The following ERCC6L2 variants were observed in gnomAD, a reference collection of about 807,000 sequenced individuals.
ERCC6L2 encodes DNA excision repair protein ERCC-6-like 2.
Under a neutral mutation model 132.0 loss-of-function variants are expected in ERCC6L2, and 77 were observed. The ratio of observed to expected loss-of-function variants is 0.58; its 90% CI spans 0.49 to 0.71. ERCC6L2 has a LOEUF of 0.71. Ranked by LOEUF, ERCC6L2 falls within the 30% of genes least tolerant of loss-of-function variation. The pLI, the probability that ERCC6L2 is intolerant of heterozygous loss-of-function variation, is 0.00. For missense variants in ERCC6L2, 1,542 were observed against 1,837.6 expected (o/e 0.84, Z 2.94); for synonymous variants, 583 against 632.4 (o/e 0.92, Z 1.17).
intron 11 of ERCC6L2, among the ~76,000 whole-genome samples, chr9:95,934,607 C>T (rs1830478677): frequency 6.6e-6 from 1 of 152,004 alleles, no homozygotes; most frequent in Admixed American, 6.6e-5. Context: ...GAATACTAGG[C>T]ACAACTTCAT....
At chr9:96,020,421 A>C, downstream of ERCC6L2, 1 of 284,660 alleles carries the variant, frequency 3.5e-6, no homozygotes, top group East Asian at 1.0e-4. Flanking sequence ...ATCATAGGGC[A>C]GGTCATCCCA....
intron 2 of ERCC6L2, among the ~76,000 whole-genome samples, chr9:95,890,930 G>C (rs1012234179): frequency 6.6e-6 from 1 of 152,174 alleles, no homozygotes; most frequent in East Asian, 1.9e-4. Flanking sequence ...AAAGTGCTGG[G>C]ATTAAAAATA....
intron 12 of ERCC6L2, among the ~76,000 whole-genome samples, chr9:95,951,386 C>A (rs1831326126): frequency 6.6e-6 from 1 of 152,072 alleles, no homozygotes; most frequent in African/African-American, 2.4e-5. Context: ...AATTAACTTT[C>A]CACCTTAAGG....
chr9:95,964,326 C>T (rs547550417), intron 13 of ERCC6L2, among the ~76,000 whole-genome samples: 1 of 152,246 alleles, frequency 6.6e-6, no homozygotes, highest in South Asian at 2.1e-4. Context: ...ATTAGGGTGG[C>T]TTCTGTGTCA....
intron 17 of ERCC6L2, among the ~76,000 whole-genome samples, chr9:95,978,417 T>C (rs755529988): frequency 6.6e-6 from 1 of 152,174 alleles, no homozygotes; most frequent in Non-Finnish European, 1.5e-5. Context: ...TATACCCAAA[T>C]ACCTAATCAT....
chr9:96,022,967 G>A (rs1834316004), downstream of ERCC6L2, among the ~76,000 whole-genome samples: 2 of 152,172 alleles, frequency 1.3e-5, no homozygotes, highest in African/African-American at 4.8e-5. Flanking sequence ...CCTGCCAACA[G>A]CAGCCACTTC....
At chr9:95,958,185 C>G (rs569746431) in intron 13 of ERCC6L2, among the ~76,000 whole-genome samples, 7 of 151,978 alleles carry the variant, frequency 4.6e-5, no homozygotes, top group Admixed American at 4.6e-4. Context: ...CATCCATGTC[C>G]CTACAAAGGA....
chr9:96,038,595 G>A (rs771906365), intron 19 of ERCC6L2, among the ~76,000 whole-genome samples: 1 of 152,242 alleles, frequency 6.6e-6, no homozygotes, highest in African/African-American at 2.4e-5. Flanking sequence ...CCTGCCCAGG[G>A]GCAGAAGCAG....
chr9:95,907,292 A>C, intron 4 of ERCC6L2, 21 bp downstream of exon 4: 1 of 1,516,756 alleles, frequency 6.6e-7, no homozygotes, highest in Non-Finnish European at 9.0e-7. Context: ...TAATAGGAAT[A>C]GGAATGATTG....
intron 14 of ERCC6L2, chr9:95,967,549 A>T (rs562183785): frequency 6.6e-6 from 1 of 152,220 alleles, no homozygotes; most frequent in Non-Finnish European, 1.5e-5. Context: ...GAACGTTTAC[A>T]TAATAACCAT....
In ERCC6L2 at chr9:95,978,158, A is replaced by G. The variant is rs753963544; in HGVS notation, c.3435A>G (p.Val1145=). The G allele has an allele frequency of 7.3e-7, 1 of 1,367,298 alleles. No individual in the cohort carries two copies. Among genetic ancestry groups the G allele is most frequent in the Non-Finnish European group, 9.8e-7 (1 of 1,021,728 alleles). 84.7% of individuals were successfully genotyped at this position (1,367,298 alleles called of 1,614,324 possible). The change falls in exon 17 of 19, where the codon GTA becomes GTG. Residue 1145 remains valine, a synonymous_variant. Coordinates refer to ENST00000653738, the MANE Select transcript of ERCC6L2 (RefSeq NM_020207.7). ...TGAGCCGATGGGCAGCACATGACGT[A>G]TTTGAGTTGAAGCAGTTTTCTCAGC... ...NHMSRWAAHD[V]FELKQFSQLP... is the part of the protein sequence containing the mutation.
At chr9:95,952,902 A>G (rs990830939) in intron 12 of ERCC6L2, among the ~76,000 whole-genome samples, 1 of 152,150 alleles carries the variant, frequency 6.6e-6, no homozygotes, top group African/African-American at 2.4e-5. Context: ...CAGAGCTAAC[A>G]TCGTACTCAG....
At chr9:95,897,606 A>G (rs1384866655) in intron 2 of ERCC6L2, among the ~76,000 whole-genome samples, 1 of 152,178 alleles carries the variant, frequency 6.6e-6, no homozygotes, top group African/African-American at 2.4e-5. Context: ...GAAAGAATTC[A>G]TTGGGTAGGT....
In ERCC6L2 at chr9:96,018,178, C is replaced by T. The variant is rs1376640736; in HGVS notation, c.*4975C>T. 6.6e-5 allele frequency among the ~76,000 whole-genome samples: 10 copies of T among 152,074 alleles called. No individual in the cohort carries two copies. The highest frequency in any genetic ancestry group is 6.8e-3 in the Middle Eastern group (2 of 294). ...ATGGATGGTCGTGATGGTTGCACAG[C>T]AATGTGAATTTAATGACACTGAAGT... On this transcript the variant is annotated 3_prime_UTR_variant, in exon 19 of 19. Coordinates refer to ENST00000653738, the MANE Select transcript of ERCC6L2 (RefSeq NM_020207.7).
intron 17 of ERCC6L2, among the ~76,000 whole-genome samples, chr9:96,000,415 T>C (rs1431757383): frequency 6.6e-6 from 1 of 152,180 alleles, no homozygotes; most frequent in East Asian, 1.9e-4. Context: ...GGTAAATGTC[T>C]TATACAAAAA....
intron 13 of ERCC6L2, among the ~76,000 whole-genome samples, chr9:95,965,905 C>T (rs952931807): frequency 6.6e-6 from 1 of 152,188 alleles, no homozygotes. Context: ...TTTTAAAGTA[C>T]ACATGGGGTT....
At chr9:95,883,392 G>A (rs4742781) in intron 2 of ERCC6L2, among the ~76,000 whole-genome samples, 19,640 of 152,176 alleles carry the variant, frequency 0.13, 1,342 homozygotes, top group South Asian at 0.23. Flanking sequence ...GACCGAACCC[G>A]TGGTGTTTCA....
In ERCC6L2 at chr9:96,013,628, A is replaced by C. The variant is rs1219154942; in HGVS notation, c.*425A>C. 1 of 155,892 alleles carries C rather than the reference A, an allele frequency of 6.4e-6. No homozygotes were observed. The highest frequency in any genetic ancestry group is 2.4e-5 in the African/African-American group (1 of 41,466). 9.7% of individuals were successfully genotyped at this position (155,892 alleles called of 1,614,324 possible). On this transcript the variant is annotated 3_prime_UTR_variant, in exon 19 of 19. Coordinates refer to ENST00000653738, the MANE Select transcript of ERCC6L2 (RefSeq NM_020207.7). Reference sequence around the variant, plus strand: ...CTCCTAATGGCTCATAGGCTGAATCATGTCTGCCCCTCAAATCAGGTGTAT... The same window carrying C: ...CTCCTAATGGCTCATAGGCTGAATCCTGTCTGCCCCTCAAATCAGGTGTAT...
rs376295534 is a variant in ERCC6L2 at position 95,944,869 on chromosome 9, G to C, written c.1847+3320G>C. 2.6e-4 allele frequency among the ~76,000 whole-genome samples: 40 copies of C among 152,192 alleles called. 1 individual carries two copies. In the Middle Eastern group the frequency reaches 0.014, roughly 52 times the overall value. On this transcript the variant is annotated intron_variant, in intron 12 of 18. Transcript: ENST00000653738. ...GGGAGGGAGTGTACGAATAGGGTGT[G>C]GGTCACAGAGATCACATCCTTCACA...
Sources: gnomAD v4.1 joint callset for allele counts (sites outside exome capture counted in the v4.1 genomes callset) on GRCh38, gnomAD v4.1.1 for gene constraint, MANE v1.5 for transcripts, NCBI Gene and HGNC (gene_info 2026-07-23, HGNC 2026-07-21) for gene names.